The following LIX1L variants were observed in gnomAD, a reference collection of about 807,000 sequenced individuals.
The protein encoded by LIX1L is limb and CNS expressed 1 like.
LIX1L carries 20 observed loss-of-function variants against 34.0 expected under a neutral mutation model. The observed-to-expected ratio is 0.59, with a 90% CI of 0.41 to 0.85. The LOEUF (loss-of-function observed/expected upper bound fraction) is 0.85. Ranked by LOEUF, LIX1L falls within the 40% of genes least tolerant of loss-of-function variation. The pLI is 0.00. For missense variants in LIX1L, 397 were observed against 447.0 expected, an observed-to-expected ratio of 0.89 and a Z score of 1.01; for synonymous variants, 170 against 187.4, an observed-to-expected ratio of 0.91 and a Z score of 0.76.
intron 2 of LIX1L, among the ~76,000 whole-genome samples, chr1:145,946,031 G>A (rs1649094670): frequency 6.6e-6 from 1 of 151,190 alleles, no homozygotes; most frequent in South Asian, 2.1e-4. Flanking sequence ...TTGAGCCCAG[G>A]AGGCGGAGGT....
Position 145,942,412 on chromosome 1 carries a change from A to G in LIX1L, c.597+301T>C, listed in dbSNP as rs587601534. On this transcript the variant is annotated intron_variant, in intron 3 of 5. Coordinates refer to ENST00000604000, the MANE Select transcript of LIX1L (RefSeq NM_153713.3). ...TTAGCAAAAGCAAAATTGAAGCTCA[A>G]TTTTCATTTTGGAATAGCTCTACAA... Among the ~76,000 whole-genome samples, 3 of 152,284 alleles carry G rather than the reference A, an allele frequency of 2.0e-5. No homozygotes were observed. In the South Asian group the frequency reaches 6.2e-4, roughly 32 times the overall value.
intron 3 of LIX1L, among the ~76,000 whole-genome samples, chr1:145,938,737 G>A (rs587606124): frequency 1.3e-5 from 2 of 152,072 alleles, no homozygotes; most frequent in South Asian, 2.1e-4. Flanking sequence ...ATAGGCATGC[G>A]CCATCACGCC....
chr1:145,940,664 C>T (rs1648876853), intron 3 of LIX1L, among the ~76,000 whole-genome samples: 1 of 150,310 alleles, frequency 6.7e-6, no homozygotes, highest in Non-Finnish European at 1.5e-5. Flanking sequence ...GATTCTCCTG[C>T]CTCAGCCTCC....
chr1:145,945,039 A>G (rs587644807), intron 2 of LIX1L, among the ~76,000 whole-genome samples: 53 of 151,770 alleles, frequency 3.5e-4, no homozygotes, highest in African/African-American at 1.1e-3. Flanking sequence ...AAGAAAGAAA[A>G]AAAAAAAAAA....
intron 3 of LIX1L, among the ~76,000 whole-genome samples, chr1:145,940,547 TTTC>T (rs1648870196): frequency 1.4e-5 from 2 of 143,408 alleles, no homozygotes. Flanking sequence ...TTTCCTTTTC[TTTC>T]TTTTTTTTTT....
intron 1 of LIX1L, among the ~76,000 whole-genome samples, chr1:145,949,579 C>T (rs1434648201): frequency 6.6e-6 from 1 of 151,896 alleles, no homozygotes; most frequent in African/African-American, 2.4e-5. Context: ...AGAGTATTGG[C>T]TTTATCCTAG....
rs185099068 is a variant in LIX1L, at chr1:145,957,193, G to A, written c.292+443C>T. Among the ~76,000 whole-genome samples the A allele has an allele frequency of 9.9e-5, 15 of 152,284 alleles. No individual in the cohort carries two copies. The East Asian group carries it at 2.3e-3, about 23-fold the overall frequency. The stretch of plus-strand genomic sequence containing the variant: ...AAGAATTTAACAGTCAAGGTTAAGG[G>A]GCTGGAGCAAATTAACAGGTGAGTC... On this transcript the variant is annotated intron_variant, in intron 1 of 5. Coordinates refer to ENST00000604000, the MANE Select transcript of LIX1L (RefSeq NM_153713.3).
At chr1:145,947,535 G>T in intron 2 of LIX1L, 84 bp downstream of exon 2, 1 of 1,402,420 alleles carries the variant, frequency 7.1e-7, no homozygotes. Context: ...ATGATTTCAG[G>T]CAGTTTAATG....
At chr1:145,942,949 G>T in intron 2 of LIX1L, 96 bp from the exon 3 acceptor site, 1 of 1,202,504 alleles carries the variant, frequency 8.3e-7, no homozygotes, top group Non-Finnish European at 1.2e-6. Flanking sequence ...GAAAACACTT[G>T]GACGCTCTTT....
At chr1:145,943,890 A>G (rs997941086) in intron 2 of LIX1L, among the ~76,000 whole-genome samples, 5 of 151,630 alleles carry the variant, frequency 3.3e-5, no homozygotes, top group Admixed American at 3.3e-4. Flanking sequence ...AAAAAAAGAA[A>G]AAATTAGCCA....
intron 3 of LIX1L, among the ~76,000 whole-genome samples, chr1:145,941,528 C>G: frequency 6.6e-6 from 1 of 152,300 alleles, no homozygotes; most frequent in South Asian, 2.1e-4. Flanking sequence ...GCTGGGATTA[C>G]AGGCATGAGC....
Position 145,934,963 on chromosome 1 carries a change from T to A in LIX1L, c.*1347A>T, listed in dbSNP as rs1648579646. 6.6e-6 allele frequency: 1 copy of A among 151,820 alleles called. No homozygotes were observed. The highest frequency in any genetic ancestry group is 2.1e-4 in the South Asian group (1 of 4,824). The allele number at this position is 151,820 out of a possible 1,614,324, so 9.4% of individuals were successfully genotyped here. ...GGGTGGATTACCTTATGTCAGGAGTTCAAGAACAGCCTGGCCAACATGGTG... is the reference window on the plus strand; with the variant it reads ...GGGTGGATTACCTTATGTCAGGAGTACAAGAACAGCCTGGCCAACATGGTG... On this transcript the variant is annotated 3_prime_UTR_variant, in exon 6 of 6. Coordinates refer to ENST00000604000, the MANE Select transcript of LIX1L (RefSeq NM_153713.3).
intron 1 of LIX1L, chr1:145,949,139 G>A (rs1553759517): frequency 6.6e-6 from 1 of 152,164 alleles, no homozygotes; most frequent in Non-Finnish European, 1.5e-5. Context: ...TCAAACTCCA[G>A]ACCTGACATT....
chr1:145,939,135 A>T (rs1386598093), intron 3 of LIX1L, among the ~76,000 whole-genome samples: 1 of 150,694 alleles, frequency 6.6e-6, no homozygotes, highest in Non-Finnish European at 1.5e-5. Flanking sequence ...GTGCCTCCAT[A>T]CCCGGCTAAT....
Position 145,936,122 on chromosome 1 carries a change from T to C in LIX1L, c.*188A>G. 1 of 648,680 alleles carries C rather than the reference T, an allele frequency of 1.5e-6. No individual in the cohort carries two copies. The highest frequency in any genetic ancestry group is 2.5e-6 in the Non-Finnish European group (1 of 397,132). 40.2% of individuals were successfully genotyped at this position (648,680 alleles called of 1,614,324 possible). ...GGACTGAAGATGTTTCAAATAAAACTACATCCAAAAACTGGTAGTAAGAAA... is the reference window on the plus strand; with the variant it reads ...GGACTGAAGATGTTTCAAATAAAACCACATCCAAAAACTGGTAGTAAGAAA... On this transcript the variant is annotated 3_prime_UTR_variant, in exon 6 of 6. Coordinates refer to ENST00000604000, the MANE Select transcript of LIX1L (RefSeq NM_153713.3).
rs1211942390 is a variant in LIX1L at position 145,933,966 on chromosome 1, T to A, written c.*2344A>T. 1.3e-5 allele frequency: 2 copies of A among 152,242 alleles called. No individual in the cohort carries two copies. The highest frequency in any genetic ancestry group is 2.9e-5 in the Non-Finnish European group (2 of 68,030). The allele number at this position is 152,242 out of a possible 1,614,324, so 9.4% of individuals were successfully genotyped here. A position where few individuals can be genotyped will look rare whatever the true frequency, so the allele number is the denominator to read the frequency against. ...AAATCCAAAAGAGCCAATTATAGCC[T>A]GTTTCATAATCTATTTTTATTGTTG... On this transcript the variant is annotated 3_prime_UTR_variant, in exon 6 of 6. Transcript: ENST00000604000.
At position 145,936,212 on chromosome 1, in the gene LIX1L, T is replaced by A; in HGVS notation, c.*98A>T. 3 of 1,356,508 alleles carry A rather than the reference T, an allele frequency of 2.2e-6. No homozygotes were observed. The highest frequency in any genetic ancestry group is 3.0e-6 in the Non-Finnish European group (3 of 1,005,158). 84.0% of individuals were successfully genotyped at this position (1,356,508 alleles called of 1,614,324 possible). The stretch of plus-strand genomic sequence containing the variant: ...ATACACATATATATTTTTTAAAGTA[T>A]AAAAATGAGAAAGTATGTACAAAAA... On this transcript the variant is annotated 3_prime_UTR_variant, in exon 6 of 6. Transcript: ENST00000604000.
chr1:145,936,708 G>C (rs1026323719), intron 5 of LIX1L, 156 bp from the exon 6 acceptor site: 16 of 900,282 alleles, frequency 1.8e-5, no homozygotes, highest in Admixed American at 1.5e-4. Context: ...TCCTGCTACG[G>C]GAAGCAAGAT....
chr1:145,939,025 C>T (rs587706573), intron 3 of LIX1L, among the ~76,000 whole-genome samples: 577 of 150,792 alleles, frequency 3.8e-3, no homozygotes, highest in Non-Finnish European at 5.8e-3. Context: ...CTGTCTGTCA[C>T]CCTGGCTAGA....
Sources: gnomAD v4.1 joint callset for allele counts (sites outside exome capture counted in the v4.1 genomes callset) on GRCh38, gnomAD v4.1.1 for gene constraint, MANE v1.5 for transcripts, NCBI Gene and HGNC (gene_info 2026-07-23, HGNC 2026-07-21) for gene names.